Variants in CPED1 observed in about 807,000 individuals in gnomAD.
CPED1 encodes the protein cadherin-like and PC-esterase domain-containing protein 1.
CPED1 carries 114 observed loss-of-function variants against 128.2 expected under a neutral mutation model. The observed-to-expected ratio is 0.89, with a 90% CI of 0.76 to 1.04. CPED1 has a LOEUF of 1.04. Ranked by LOEUF, CPED1 falls within the 50% of genes least tolerant of loss-of-function variation. The pLI is 0.00. For synonymous variants in CPED1, 462 were observed against 426.7 expected (o/e 1.08, Z -1.02); for missense variants, 1,211 against 1,207.1 (o/e 1.00, Z -0.05).
At chr7:121,074,579 C>T (rs1794077373) in intron 5 of CPED1, among the ~76,000 whole-genome samples, 1 of 130,962 alleles carries the variant, frequency 7.6e-6, no homozygotes, top group Admixed American at 9.8e-5. Flanking sequence ...ATCCTTTCTC[C>T]TCAATGATTT....
Position 121,199,463 on chromosome 7 carries a change from A to G in CPED1, c.2056-37251A>G, listed in dbSNP as rs1797339940. On this transcript the variant is annotated intron_variant, in intron 16 of 22. Transcript: ENST00000310396. ...GGGAGGCAGAGGTGGGCAGATCACG[A>G]GGTCAAGAGATCTAGACCATCCTGG... Among the ~76,000 whole-genome samples the G allele has an allele frequency of 2.0e-5, 3 of 151,922 alleles. No homozygotes were observed. The South Asian group carries it at 6.2e-4, about 32-fold the overall frequency.
At chr7:121,047,026 C>A in intron 4 of CPED1, 33 bp downstream of exon 4, 3 of 1,331,004 alleles carry the variant, frequency 2.3e-6, no homozygotes, top group Admixed American at 1.7e-5. Flanking sequence ...CAGATTTTAT[C>A]AGCCCTACAG....
At chr7:121,132,333 A>C (rs1218963260) in intron 12 of CPED1, among the ~76,000 whole-genome samples, 1 of 152,072 alleles carries the variant, frequency 6.6e-6, no homozygotes, top group East Asian at 1.9e-4. Context: ...ATGATCCAGT[A>C]CATCACGCAG....
intron 7 of CPED1, among the ~76,000 whole-genome samples, chr7:121,116,977 T>TACACACAC (rs71170227): frequency 8.2e-6 from 1 of 121,712 alleles, no homozygotes; most frequent in African/African-American, 3.6e-5. Flanking sequence ...TATATATATA[T>TACACACAC]ACACACACAC....
At chr7:121,260,234 T>TG (rs1791983749) in intron 18 of CPED1, among the ~76,000 whole-genome samples, 1 of 148,910 alleles carries the variant, frequency 6.7e-6, no homozygotes, top group Non-Finnish European at 1.5e-5. Context: ...TTTTTTTTTT[T>TG]TTTTTTTTTT....
rs770879282 is a variant in CPED1 at position 121,124,361 on chromosome 7, G to A, written c.949G>A (p.Ala317Thr). ...LQTFFETFLR[A>T]SSPQQAFDIM... ...AACATTTTTTGAGACATTCCTGAGA[G>A]CCAGTTCACCTCAACAGGCTTTTGA... The change falls in exon 8 of 23, where the codon GCC becomes ACC. Residue 317 changes from alanine (A) to threonine (T), a missense_variant. Ala to Thr is a moderately conservative substitution (Grantham distance 58). Coordinates refer to ENST00000310396, the MANE Select transcript of CPED1 (RefSeq NM_024913.5). 6 of 1,609,326 alleles carry A rather than the reference G, an allele frequency of 3.7e-6. No individual in the cohort carries two copies. Among genetic ancestry groups the A allele is most frequent in the Non-Finnish European group, 8.5e-7 (1 of 1,177,418 alleles).
chr7:121,075,270 A>G (rs1297274350), intron 5 of CPED1, among the ~76,000 whole-genome samples: 2 of 152,208 alleles, frequency 1.3e-5, no homozygotes, highest in Non-Finnish European at 2.9e-5. Context: ...GATTAGCATC[A>G]CAAGTCATTT....
chr7:121,134,395 G>A (rs921186332), intron 13 of CPED1, among the ~76,000 whole-genome samples: 2 of 152,034 alleles, frequency 1.3e-5, no homozygotes, highest in Admixed American at 6.6e-5. Flanking sequence ...CAGAAGTAGA[G>A]AGGGTTTACC....
At chr7:121,027,965 G>A (rs1421150526) in intron 3 of CPED1, among the ~76,000 whole-genome samples, 1 of 151,992 alleles carries the variant, frequency 6.6e-6, no homozygotes, top group Non-Finnish European at 1.5e-5. Context: ...GGCGACTCTC[G>A]GGGACCTGAC....
At chr7:121,178,433 C>G (rs1796831157) in intron 16 of CPED1, among the ~76,000 whole-genome samples, 1 of 152,024 alleles carries the variant, frequency 6.6e-6, no homozygotes, top group East Asian at 1.9e-4. Context: ...AGGGCATTAA[C>G]TCTGTGCTGT....
At chr7:121,003,968 T>A (rs1162821450) in intron 2 of CPED1, among the ~76,000 whole-genome samples, 1 of 152,198 alleles carries the variant, frequency 6.6e-6, no homozygotes, top group South Asian at 2.1e-4. Context: ...ATGTGGAATG[T>A]GGTACCTCTT....
In CPED1 at chr7:121,048,635, GT is replaced by G. The variant is rs1322558138; in HGVS notation, c.540+1644del. Among the ~76,000 whole-genome samples, 7 of 152,176 alleles carry G rather than the reference GT, an allele frequency of 4.6e-5. No individual in the cohort carries two copies. The East Asian group carries it at 1.4e-3, about 29-fold the overall frequency. On this transcript the variant is annotated intron_variant, in intron 4 of 22. Coordinates refer to ENST00000310396, the MANE Select transcript of CPED1 (RefSeq NM_024913.5). Reference sequence around the variant, plus strand: ...CCTCACTGCAACCTCTGCCTCCCAGGTTCAAGCAATTATTGGGCCTCAGCCA... The same window carrying G: ...CCTCACTGCAACCTCTGCCTCCCAGGTCAAGCAATTATTGGGCCTCAGCCA...
At chr7:121,023,786 C>G (rs76697625) in intron 3 of CPED1, among the ~76,000 whole-genome samples, 1 of 152,122 alleles carries the variant, frequency 6.6e-6, no homozygotes, top group African/African-American at 2.4e-5. Context: ...TTCTTTCCCC[C>G]CTCTAGCCCC....
At chr7:121,259,338 G>C (rs1302489503) in intron 18 of CPED1, among the ~76,000 whole-genome samples, 2 of 152,012 alleles carry the variant, frequency 1.3e-5, no homozygotes, top group Non-Finnish European at 2.9e-5. Context: ...ACAGGAGGCT[G>C]ATCTTGGGTG....
intron 7 of CPED1, among the ~76,000 whole-genome samples, chr7:121,105,117 CA>C (rs1794942444): frequency 1.3e-5 from 2 of 152,002 alleles, no homozygotes; most frequent in Non-Finnish European, 2.9e-5. Flanking sequence ...CACATCAATA[CA>C]ATCAGCAAAT....
rs1166634337 is a variant in CPED1 at position 121,261,494 on chromosome 7, A to G, written c.2311-4733A>G. On this transcript the variant is annotated intron_variant, in intron 18 of 22. Coordinates refer to ENST00000310396, the MANE Select transcript of CPED1 (RefSeq NM_024913.5). ...TCTCCATAGCACACAACTTGACTAT[A>G]TTTCTCAGTGTCTCCTGACATTAGG... is the stretch of plus-strand genomic sequence containing the variant. 9 of 1,268,532 alleles carry G rather than the reference A, an allele frequency of 7.1e-6. No individual in the cohort carries two copies. In the East Asian group the frequency reaches 1.8e-4, roughly 25 times the overall value. The allele number at this position is 1,268,532 out of a possible 1,614,324, so 78.6% of individuals were successfully genotyped here.
intron 13 of CPED1, 35 bp downstream of exon 13, chr7:121,133,928 A>T: frequency 1.6e-6 from 2 of 1,284,726 alleles, no homozygotes; most frequent in Non-Finnish European, 2.2e-6. Context: ...ATTTCAACAT[A>T]AAAATAAGTA....
intron 16 of CPED1, among the ~76,000 whole-genome samples, chr7:121,162,676 T>C (rs1046645003): frequency 6.6e-5 from 10 of 152,236 alleles, no homozygotes; most frequent in Non-Finnish European, 1.5e-4. Context: ...GATTCAGTGC[T>C]TAAACAATGT....
At chr7:121,128,301 T>C (rs914415868) in intron 10 of CPED1, 81 bp from the exon 11 acceptor site, 2 of 745,684 alleles carry the variant, frequency 2.7e-6, no homozygotes, top group African/African-American at 3.5e-5. Flanking sequence ...ATCTGATTGG[T>C]TGATGAAATG....
Sources: gnomAD v4.1 joint callset for allele counts (sites outside exome capture counted in the v4.1 genomes callset) on GRCh38, gnomAD v4.1.1 for gene constraint, MANE v1.5 for transcripts, NCBI Gene and HGNC (gene_info 2026-07-23, HGNC 2026-07-21) for gene names.